CYTH4: variants seen among roughly 807,000 people sequenced by gnomAD.
The protein encoded by CYTH4 is cytohesin 4, also known as cytohesin-4.
In CYTH4, 22 loss-of-function variants were observed where a neutral mutation model predicts 57.5. That is an observed-to-expected ratio of 0.38 (90% CI 0.27 to 0.55). CYTH4 has a LOEUF of 0.55. Among genes scored for constraint, CYTH4 ranks in the 20% least tolerant of loss-of-function variants. The probability of loss-of-function intolerance (pLI) is 0.74; values close to 1 mark genes in which losing one functional copy is unlikely to be tolerated. For synonymous variants in CYTH4, 186 were observed against 206.5 expected (o/e 0.90, Z 0.85); for missense variants, 420 against 535.6 (o/e 0.78, Z 2.13).
chr22:37,289,504 CCT>C (rs1424542259), intron 1 of CYTH4, among the ~76,000 whole-genome samples: 1 of 152,210 alleles, frequency 6.6e-6, no homozygotes, highest in Admixed American at 6.5e-5. Flanking sequence ...TGGGCATTTT[CCT>C]CTGTTGTTAG....
chr22:37,282,831 C>T (rs977634430), intron 1 of CYTH4, among the ~76,000 whole-genome samples: 8 of 152,254 alleles, frequency 5.3e-5, no homozygotes, highest in South Asian at 2.1e-4. Context: ...ATGAGGAGAC[C>T]GGCAGTGACT....
intron 1 of CYTH4, among the ~76,000 whole-genome samples, chr22:37,287,951 A>G (rs1200544206): frequency 6.6e-6 from 1 of 152,148 alleles, no homozygotes; most frequent in Non-Finnish European, 1.5e-5. Context: ...TCCCTCCTGG[A>G]AACAGTACCT....
At chr22:37,308,744 A>G (rs1019463043) in intron 8 of CYTH4, among the ~76,000 whole-genome samples, 2 of 147,418 alleles carry the variant, frequency 1.4e-5, no homozygotes, top group African/African-American at 2.5e-5. Flanking sequence ...GTATGCATGC[A>G]TGTGTGTGCA....
chr22:37,301,343 G>A (rs1929174471), intron 7 of CYTH4, among the ~76,000 whole-genome samples: 3 of 152,188 alleles, frequency 2.0e-5, no homozygotes, highest in African/African-American at 7.2e-5. Context: ...TCTGAATGGG[G>A]TTTTGAAGGA....
intron 5 of CYTH4, chr22:37,297,978 C>A (rs1929038027): frequency 7.9e-6 from 2 of 252,036 alleles, no homozygotes; most frequent in Non-Finnish European, 1.6e-5. Flanking sequence ...CTCAGGAAGT[C>A]CATGCTAGTG....
chr22:37,313,156 G>A (rs559187529), intron 12 of CYTH4, among the ~76,000 whole-genome samples: 15 of 152,242 alleles, frequency 9.9e-5, no homozygotes, highest in Non-Finnish European at 2.2e-4. Flanking sequence ...GCCAGTGGGA[G>A]CCTGGAGAGG....
rs974232468 is a variant in CYTH4 at position 37,296,259 on chromosome 22, C to T, written c.234+194C>T. On this transcript the variant is annotated intron_variant, in intron 4 of 12. Transcript: ENST00000248901. ...CGCCCTGTCTACTCCCAGGCATACA[C>T]GCCTTGGGGCAGGAGGAGCCAGGAG... 4.2e-5 allele frequency: 26 copies of T among 615,414 alleles called. 1 individual carries two copies. The highest frequency in any genetic ancestry group is 1.6e-4 in the South Asian group (8 of 49,944). 38.1% of individuals were successfully genotyped at this position (615,414 alleles called of 1,614,324 possible).
chr22:37,303,270 G>A lies in CYTH4; in HGVS notation c.564G>A (p.Leu188=). The part of the protein sequence containing the change: ...VFQSTDTCYV[L]SFSIIMLNTS... ...CCTCCGCAGACACCTGCTACGTGTT[G>A]TCCTTCTCCATCATCATGCTCAACA... The change falls in exon 8 of 13, where the codon TTG becomes TTA. Residue 188 remains leucine, a synonymous_variant. Coordinates refer to ENST00000248901, the MANE Select transcript of CYTH4 (RefSeq NM_013385.5). 4 of 1,614,184 alleles carry A rather than the reference G, an allele frequency of 2.5e-6. No homozygotes were observed. Among genetic ancestry groups the A allele is most frequent in the Non-Finnish European group, 3.4e-6 (4 of 1,180,018 alleles).
At chr22:37,300,777 G>C in intron 6 of CYTH4, 130 bp from the exon 7 acceptor site, 1 of 732,116 alleles carries the variant, frequency 1.4e-6, no homozygotes, top group Non-Finnish European at 2.3e-6. Flanking sequence ...TTCCCCGTCA[G>C]CCCAGATGAC....
At chr22:37,288,663 C>T (rs992467331) in intron 1 of CYTH4, among the ~76,000 whole-genome samples, 2 of 152,020 alleles carry the variant, frequency 1.3e-5, no homozygotes, top group Non-Finnish European at 2.9e-5. Context: ...CCCCTCAGCT[C>T]GTAGACCCTT....
intron 2 of CYTH4, among the ~76,000 whole-genome samples, chr22:37,293,386 T>C (rs1294496341): frequency 1.5e-5 from 2 of 137,298 alleles, no homozygotes; most frequent in Admixed American, 8.2e-5. Flanking sequence ...CCAATTACCC[T>C]ATGACCACCC....
Position 37,313,389 on chromosome 22 carries a change from C to A in CYTH4, c.1113-50C>A, listed in dbSNP as rs199763420. ...TGATACAAGCCCTGGGAGAGCAGAC[C>A]ACCTTGACGGCCAGTCCAGCCCTGA... On this transcript the variant is annotated intron_variant, in intron 12 of 12. Transcript: ENST00000248901. 7.0e-6 allele frequency: 11 copies of A among 1,578,094 alleles called. No individual in the cohort carries two copies. In the Admixed American group the frequency reaches 1.3e-4, roughly 19 times the overall value.
At chr22:37,300,304 TTTCATTCATTCATTCACATA>T in intron 6 of CYTH4, 1 of 707,846 alleles carries the variant, frequency 1.4e-6, no homozygotes, top group South Asian at 1.5e-5. Flanking sequence ...ATATTCATTC[TTTCATTCATTCATTCACATA>T]TTCATTCATT....
rs148578667 is a variant in CYTH4, at chr22:37,303,264, C to T, written c.558C>T (p.Tyr186=). 1.7e-5 allele frequency: 27 copies of T among 1,614,044 alleles called. No homozygotes were observed. Among genetic ancestry groups the T allele is most frequent in the African/African-American group, 1.2e-4 (9 of 74,942 alleles). The change falls in exon 8 of 13, where the codon TAC becomes TAT. Residue 186 remains tyrosine (Y), a synonymous_variant. Transcript: ENST00000248901. The stretch of plus-strand genomic sequence containing the variant: ...CTGTCCCCTCCGCAGACACCTGCTA[C>T]GTGTTGTCCTTCTCCATCATCATGC... ...PGVFQSTDTC[Y]VLSFSIIMLN... is the part of the protein sequence containing the mutation.
At chr22:37,294,323 G>T (rs1300959636) in intron 2 of CYTH4, among the ~76,000 whole-genome samples, 1 of 151,754 alleles carries the variant, frequency 6.6e-6, no homozygotes, top group Non-Finnish European at 1.5e-5. Context: ...CGGCTAGAGT[G>T]CAGGAGACTT....
rs1052036923 is a variant in CYTH4, at chr22:37,311,211, A to T, written c.885+147A>T. On this transcript the variant is annotated intron_variant, in intron 10 of 12. Transcript: ENST00000248901. The surrounding 1 kb of genome is among the most constrained non-coding windows in gnomAD (Gnocchi z 4.4). Reference sequence around the variant, plus strand: ...TCCATGCCCATTTTACAGATGGGGAAAACGGGTACACAGAGGAGGGCCGGG... The same window carrying T: ...TCCATGCCCATTTTACAGATGGGGATAACGGGTACACAGAGGAGGGCCGGG... The T allele has an allele frequency of 6.9e-6, 7 of 1,013,672 alleles. No homozygotes were observed. Among genetic ancestry groups the T allele is most frequent in the Non-Finnish European group, 1.0e-5 (7 of 671,952 alleles). The allele number at this position is 1,013,672 out of a possible 1,614,324, so 62.8% of individuals were successfully genotyped here. A position where few individuals can be genotyped will look rare whatever the true frequency, so the allele number is the denominator to read the frequency against.
At chr22:37,308,763 T>C (rs1929515835) in intron 8 of CYTH4, among the ~76,000 whole-genome samples, 1 of 151,982 alleles carries the variant, frequency 6.6e-6, no homozygotes, top group African/African-American at 2.4e-5. Flanking sequence ...CATGTATGTG[T>C]GAGCGTGCCT....
chr22:37,311,592 G>A lies in CYTH4; in HGVS notation c.957+65G>A. The stretch of plus-strand genomic sequence containing the variant: ...TGGGAAATTTCCTAAACAGAACGTG[G>A]GGAGAGGGCCTGAGGCTGGGCTCTC... On this transcript the variant is annotated intron_variant, in intron 11 of 12. Transcript: ENST00000248901. This position sits in a 1 kb window ranked among gnomAD's most constrained non-coding sequence, Gnocchi z 4.4. 6.6e-7 allele frequency: 1 copy of A among 1,523,772 alleles called. No individual in the cohort carries two copies. 94.4% of individuals were successfully genotyped at this position (1,523,772 alleles called of 1,614,324 possible).
chr22:37,312,991 G>A (rs754961246), intron 12 of CYTH4, among the ~76,000 whole-genome samples: 34 of 152,220 alleles, frequency 2.2e-4, no homozygotes, highest in Non-Finnish European at 4.1e-4. Flanking sequence ...GAGGCTGCCA[G>A]GCAGACCCAT....
Sources: gnomAD v4.1 joint callset for allele counts (sites outside exome capture counted in the v4.1 genomes callset) on GRCh38, gnomAD v4.1.1 for gene constraint, Gnocchi (gnomAD v3.1) non-coding constraint, MANE v1.5 for transcripts, NCBI Gene and HGNC (gene_info 2026-07-23, HGNC 2026-07-21) for gene names.